Variants in ATCAY observed in about 807,000 individuals in gnomAD.
ATCAY encodes ATCAY kinesin light chain interacting caytaxin, also known as caytaxin.
Under a neutral mutation model 47.7 loss-of-function variants are expected in ATCAY, and 22 were observed. The observed-to-expected ratio is 0.46, with a 90% CI of 0.33 to 0.66. The LOEUF is 0.66. Among genes scored for constraint, ATCAY ranks in the 30% least tolerant of loss-of-function variants. The probability of loss-of-function intolerance (pLI) is 0.02; values close to 1 mark genes in which losing one functional copy is unlikely to be tolerated. For missense variants in ATCAY, 452 were observed against 515.0 expected (o/e 0.88, Z 1.18); for synonymous variants, 216 against 207.6 (o/e 1.04, Z -0.35).
chr19:3,904,440 GA>G (rs1235295742), intron 3 of ATCAY, among the ~76,000 whole-genome samples: 1 of 152,244 alleles, frequency 6.6e-6, no homozygotes, highest in Non-Finnish European at 1.5e-5. Flanking sequence ...AAGAGAAACA[GA>G]CTGAGGTTCC....
chr19:3,907,809 A>G lies in ATCAY; in HGVS notation c.434A>G (p.Asp145Gly). The part of the protein sequence containing the change: ...ADLFGDGTTE[D>G]GSAANGRLWR... ...CTATTTGGGGACGGCACGACGGAGG[A>G]CGGCAGCGCCGCCAACGGGCGCCTG... Residue 145 changes from aspartate (D) to glycine (G), a missense_variant, in exon 5 of 13, where the codon GAC becomes GGC. Physicochemically the swap from Asp to Gly is moderately conservative, Grantham distance 94. Coordinates refer to ENST00000450849, the MANE Select transcript of ATCAY (RefSeq NM_033064.5). This position sits in a 1 kb window ranked among gnomAD's most constrained non-coding sequence, Gnocchi z 5.1. The G allele has an allele frequency of 6.2e-7, 1 of 1,613,942 alleles. No individual in the cohort carries two copies. The highest frequency in any genetic ancestry group is 2.2e-5 in the East Asian group (1 of 44,872).
At chr19:3,894,287 A>G (rs2038745318) in intron 2 of ATCAY, among the ~76,000 whole-genome samples, 1 of 151,980 alleles carries the variant, frequency 6.6e-6, no homozygotes, top group Admixed American at 6.6e-5. Context: ...GATCGAGACC[A>G]TCCTGGCTAA....
intron 2 of ATCAY, chr19:3,895,157 C>A (rs1413424788): frequency 2.2e-6 from 1 of 456,068 alleles, no homozygotes; most frequent in Non-Finnish European, 4.4e-6. Flanking sequence ...TCCTGGGAAC[C>A]ACCAAGTCCA....
In ATCAY at chr19:3,925,163, A is replaced by T. The variant is rs1331639177; in HGVS notation, c.*571A>T. ...CCAAATTTCACACCCATGGTTTTTC[A>T]TTTGACCCGCCCCCTTCTCGCTCAT... is the stretch of plus-strand genomic sequence containing the variant. On this transcript the variant is annotated 3_prime_UTR_variant, in exon 13 of 13. Coordinates refer to ENST00000450849, the MANE Select transcript of ATCAY (RefSeq NM_033064.5). The surrounding 1 kb of genome is among the most constrained non-coding windows in gnomAD (Gnocchi z 4.4). The T allele has an allele frequency of 6.5e-6, 1 of 152,860 alleles. No individual in the cohort carries two copies. The highest frequency in any genetic ancestry group is 1.5e-5 in the Non-Finnish European group (1 of 68,614). 9.5% of individuals were successfully genotyped at this position (152,860 alleles called of 1,614,324 possible).
intron 8 of ATCAY, among the ~76,000 whole-genome samples, chr19:3,912,880 G>A (rs1555769140): frequency 1.1e-5 from 1 of 91,534 alleles, no homozygotes; most frequent in Non-Finnish European, 2.0e-5. Flanking sequence ...GTGAGACTCT[G>A]TCTCTTAAAA....
chr19:3,898,980 G>A (rs769168319), intron 2 of ATCAY, among the ~76,000 whole-genome samples: 24 of 151,956 alleles, frequency 1.6e-4, no homozygotes, highest in Admixed American at 9.8e-4. Context: ...GCGCCTGGCC[G>A]TCAATGGACT....
At chr19:3,890,583 C>T (rs866706244) in intron 2 of ATCAY, among the ~76,000 whole-genome samples, 2 of 152,002 alleles carry the variant, frequency 1.3e-5, no homozygotes, top group Non-Finnish European at 2.9e-5. Flanking sequence ...ATTTTAAAAG[C>T]TCTCATCTCA....
At chr19:3,889,941 T>A (rs1308781371) in intron 2 of ATCAY, among the ~76,000 whole-genome samples, 2 of 151,918 alleles carry the variant, frequency 1.3e-5, no homozygotes, top group African/African-American at 4.8e-5. Context: ...TTTCTTTACT[T>A]TTCTTTTCTT....
At chr19:3,920,013 C>T (rs1026350380) in intron 11 of ATCAY, among the ~76,000 whole-genome samples, 4 of 152,166 alleles carry the variant, frequency 2.6e-5, no homozygotes, top group Non-Finnish European at 4.4e-5. Flanking sequence ...ACAGCAGTGT[C>T]GGTCCTCATA....
Position 3,907,740 on chromosome 19 carries a change from C to G in ATCAY, c.365C>G (p.Thr122Ser), listed in dbSNP as rs776407878. 11 of 1,613,860 alleles carry G rather than the reference C, an allele frequency of 6.8e-6. No homozygotes were observed. The highest frequency in any genetic ancestry group is 9.3e-6 in the Non-Finnish European group (11 of 1,179,866). Reference protein sequence around the residue: ...NGNELEWEDDTPVATAKNMPG... With the variant: ...NGNELEWEDDSPVATAKNMPG... ...CTCCGCCACCTGCTTCTAGACGACA[C>G]CCCCGTGGCCACCGCCAAGAACATG... Residue 122 changes from threonine (T) to serine (S), a missense_variant, in exon 5 of 13, where the codon ACC becomes AGC. By Grantham distance (58) the Thr-to-Ser change is moderately conservative. Coordinates refer to ENST00000450849, the MANE Select transcript of ATCAY (RefSeq NM_033064.5). This position sits in a 1 kb window ranked among gnomAD's most constrained non-coding sequence, Gnocchi z 5.1.
chr19:3,918,898 G>C (rs774966585), intron 11 of ATCAY, 21 bp downstream of exon 11: 1 of 1,613,824 alleles, frequency 6.2e-7, no homozygotes, highest in Admixed American at 1.7e-5. Context: ...AGGGGACCAT[G>C]GGCAGAGAGC....
At chr19:3,887,594 C>T (rs1236420942) in intron 2 of ATCAY, among the ~76,000 whole-genome samples, 5 of 151,204 alleles carry the variant, frequency 3.3e-5, no homozygotes, top group Non-Finnish European at 7.4e-5. Context: ...TCACGCCATT[C>T]TCCTGCCTCA....
chr19:3,910,120 C>A (rs1438656705), intron 7 of ATCAY, among the ~76,000 whole-genome samples: 1 of 152,072 alleles, frequency 6.6e-6, no homozygotes, highest in East Asian at 1.9e-4. Flanking sequence ...TCCTTCTCCC[C>A]AGGCTCCGGC....
intron 10 of ATCAY, among the ~76,000 whole-genome samples, chr19:3,918,100 G>A (rs1230422821): frequency 6.6e-6 from 1 of 152,122 alleles, no homozygotes; most frequent in Non-Finnish European, 1.5e-5. Flanking sequence ...GACGGGCGCG[G>A]TGGCTCACCC....
In ATCAY at chr19:3,912,012, C is replaced by T. The variant is rs141138779; in HGVS notation, c.866+1123C>T. Among the ~76,000 whole-genome samples, 487 of 152,284 alleles carry T rather than the reference C, an allele frequency of 3.2e-3. 2 individuals are homozygous for T. Among genetic ancestry groups the T allele is most frequent in the African/African-American group, 0.011 (462 of 41,562 alleles). ...GAATCAACAGGCAAAACGGTAAACA[C>T]GCATTTCAGTCTAAGATAATTGCAT... is the stretch of plus-strand genomic sequence containing the variant. On this transcript the variant is annotated intron_variant, in intron 8 of 12. Transcript: ENST00000450849.
chr19:3,922,394 G>A (rs957371413), intron 12 of ATCAY, among the ~76,000 whole-genome samples: 1 of 152,208 alleles, frequency 6.6e-6, no homozygotes, highest in African/African-American at 2.4e-5. Flanking sequence ...AGCGAGAAGT[G>A]CTGAGCAAAG....
chr19:3,897,142 T>C (rs1341473334), intron 2 of ATCAY, among the ~76,000 whole-genome samples: 1 of 151,946 alleles, frequency 6.6e-6, no homozygotes, highest in East Asian at 1.9e-4. Flanking sequence ...AAATGCTGCA[T>C]GGGTGGGACA....
At chr19:3,901,063 C>A (rs903744025) in intron 2 of ATCAY, among the ~76,000 whole-genome samples, 1 of 151,794 alleles carries the variant, frequency 6.6e-6, no homozygotes, top group East Asian at 1.9e-4. Context: ...CACCACGCCC[C>A]GCTATTTTTT....
chr19:3,907,869 G>A lies in ATCAY; in HGVS notation c.494G>A (p.Arg165His), dbSNP rs1256861276. Residue 165 changes from arginine (R) to histidine (H), a missense_variant, in exon 5 of 13, where the codon CGT becomes CAT. By Grantham distance (29) the Arg-to-His change is conservative. Coordinates refer to ENST00000450849, the MANE Select transcript of ATCAY (RefSeq NM_033064.5). The surrounding 1 kb of genome is among the most constrained non-coding windows in gnomAD (Gnocchi z 5.1). ...GTGATCATCGGGGAGCAAGAGCACC[G>A]TATAGACCTGCACATGATCCGGCCT... is the stretch of plus-strand genomic sequence containing the variant. The part of the protein sequence containing the change: ...RTVIIGEQEH[R>H]IDLHMIRPYM... 18 of 1,613,948 alleles carry A rather than the reference G, an allele frequency of 1.1e-5. No homozygotes were observed. Among genetic ancestry groups the A allele is most frequent in the Non-Finnish European group, 1.4e-5 (17 of 1,179,840 alleles).
Sources: allele counts gnomAD v4.1 joint callset (sites outside exome capture counted in the v4.1 genomes callset), GRCh38; gene constraint gnomAD v4.1.1; non-coding constraint Gnocchi (gnomAD v3.1); transcripts MANE v1.5; gene names NCBI Gene and HGNC (gene_info 2026-07-23, HGNC 2026-07-21).